FMR1NB: variants seen among roughly 807,000 people sequenced by gnomAD.
The protein encoded by FMR1NB is FMR1 neighbor.
Under a neutral mutation model 16.8 loss-of-function variants are expected in FMR1NB, and 10 were observed. That is an observed-to-expected ratio of 0.60 (90% CI 0.37 to 1.01). FMR1NB has a LOEUF of 1.01. Ranked by LOEUF, FMR1NB falls within the 50% of genes least tolerant of loss-of-function variation. The probability of loss-of-function intolerance (pLI) is 0.01; values close to 1 mark genes in which losing one functional copy is unlikely to be tolerated. For synonymous variants in FMR1NB, 83 were observed against 79.1 expected (o/e 1.05, Z -0.26); for missense variants, 205 against 204.8 (o/e 1.00, Z 0.00).
chrX:148,010,250 T>C (rs1557189509), intron 4 of FMR1NB, among the ~76,000 whole-genome samples: 2 of 112,735 alleles, frequency 1.8e-5, no homozygotes, highest in Admixed American at 1.9e-4. Context: ...GTTTTATTTA[T>C]TTATTTTACT....
Position 148,020,561 on chromosome X carries a change from G to GGTAT in FMR1NB, c.633-4303_633-4300dup, listed in dbSNP as rs781992252. Among the ~76,000 whole-genome samples the GGTAT allele has an allele frequency of 7.1e-4, 79 of 111,793 alleles. 1 individual carries two copies. The Admixed American group carries it at 7.4e-3, about 10-fold the overall frequency. ...CACCCAAGGCTCACAGCATAACCTA[G>GGTAT]GTATCACTGCTTGTTATTCAGGGCC... On this transcript the variant is annotated intron_variant, in intron 4 of 5. Coordinates refer to ENST00000370467, the MANE Select transcript of FMR1NB (RefSeq NM_152578.3).
At chrX:147,986,889 G>A (rs191914727) in intron 1 of FMR1NB, among the ~76,000 whole-genome samples, 36 of 111,673 alleles carry the variant, frequency 3.2e-4, no homozygotes, top group Middle Eastern at 9.2e-3. Flanking sequence ...GAATAGCAAC[G>A]AGTCTATAAA....
At chrX:148,009,452 C>T (rs782055066) in intron 4 of FMR1NB, among the ~76,000 whole-genome samples, 2 of 109,772 alleles carry the variant, frequency 1.8e-5, no homozygotes, top group South Asian at 7.9e-4. Flanking sequence ...AATTGGAAAA[C>T]AAATTTCTTC....
At chrX:148,025,614 T>A (rs1557190949) in intron 5 of FMR1NB, among the ~76,000 whole-genome samples, 1 of 111,710 alleles carries the variant, frequency 9.0e-6, no homozygotes, top group Non-Finnish European at 1.9e-5. Context: ...CAAGTAAGAA[T>A]AAAATGGTTG....
Position 148,006,752 on chromosome X carries a change from G to T in FMR1NB, c.448G>T (p.Asp150Tyr). 8.3e-7 allele frequency: 1 copy of T among 1,209,853 alleles called. No homozygotes were observed. The highest frequency in any genetic ancestry group is 1.1e-6 in the Non-Finnish European group (1 of 894,414). ...GGCAAAGCCTTGTAATGAGCTGCAA[G>T]ATCTTAGTGAGAGTGAATGTTTGAG... ...QVAKPCNELQ[D>Y]LSESECLRHK... is the part of the protein sequence containing the mutation. The change falls in exon 3 of 6, where the codon GAT (aspartate) becomes TAT (tyrosine). Residue 150 changes from aspartate to tyrosine, a missense_variant. Coordinates refer to ENST00000370467, the MANE Select transcript of FMR1NB (RefSeq NM_152578.3).
chrX:147,981,684 G>C lies in FMR1NB; in HGVS notation c.277+5G>C, dbSNP rs781847857. On this transcript the variant is annotated splice_donor_5th_base_variant and intron_variant, in intron 1 of 5. Coordinates refer to ENST00000370467, the MANE Select transcript of FMR1NB (RefSeq NM_152578.3). ...TGTCCTACTACCTGTGCTCCGGTGA[G>C]TGCTGGCTCAGGCCAGGCAGGGAAA... 5.3e-6 allele frequency: 6 copies of C among 1,132,578 alleles called. No homozygotes were observed. The highest frequency in any genetic ancestry group is 7.0e-6 in the Non-Finnish European group (6 of 853,809). 93.3% of individuals were successfully genotyped at this position (1,132,578 alleles called of 1,213,427 possible). A position where few individuals can be genotyped will look rare whatever the true frequency, so the allele number is the denominator to read the frequency against.
intron 4 of FMR1NB, among the ~76,000 whole-genome samples, chrX:148,014,007 T>G (rs2044637559): frequency 9.0e-6 from 1 of 111,540 alleles, no homozygotes. Context: ...TTGCCCCTTC[T>G]CCCATTTTAT....
chrX:148,015,833 G>A (rs1439260333), intron 4 of FMR1NB, among the ~76,000 whole-genome samples: 1 of 112,245 alleles, frequency 8.9e-6, no homozygotes, highest in Non-Finnish European at 1.9e-5. Context: ...TTGGTGTACA[G>A]TGCAGATTAA....
rs782715581 is a variant in FMR1NB, at chrX:148,008,722, A to G, written c.632+11A>G. 2 of 1,192,183 alleles carry G rather than the reference A, an allele frequency of 1.7e-6. No homozygotes were observed. The highest frequency in any genetic ancestry group is 3.5e-5 in the African/African-American group (2 of 57,499). ...TCTTTTCTGGAGGAGGTAGGTGAAC[A>G]TAAACTTTTATTTGCTCGTTGCTAA... On this transcript the variant is annotated intron_variant, in intron 4 of 5. Transcript: ENST00000370467.
chrX:148,023,253 T>TAACA (rs1557190736), intron 4 of FMR1NB, among the ~76,000 whole-genome samples: 1 of 111,553 alleles, frequency 9.0e-6, no homozygotes, highest in Non-Finnish European at 1.9e-5. Context: ...AGACTGTAGG[T>TAACA]AACAACATGG....
chrX:148,013,383 T>C (rs1390349051), intron 4 of FMR1NB, among the ~76,000 whole-genome samples: 2 of 111,835 alleles, frequency 1.8e-5, no homozygotes, highest in Non-Finnish European at 3.8e-5. Context: ...CTTGAAATTT[T>C]CCCCCCTTGG....
At chrX:148,013,733 C>T (rs1814968965) in intron 4 of FMR1NB, among the ~76,000 whole-genome samples, 3 of 111,525 alleles carry the variant, frequency 2.7e-5, no homozygotes, top group Admixed American at 9.5e-5. Context: ...TTCCATATTT[C>T]CAGTCACTCT....
intron 4 of FMR1NB, among the ~76,000 whole-genome samples, chrX:148,009,346 AGTTCCTGGAAGT>A (rs1428990257): frequency 9.0e-6 from 1 of 111,038 alleles, no homozygotes; most frequent in Non-Finnish European, 1.9e-5. Flanking sequence ...AAATCAGAAC[AGTTCCTGGAAGT>A]GTTAGTTTCC....
chrX:148,004,750 T>C (rs1270941870), intron 2 of FMR1NB, among the ~76,000 whole-genome samples: 1 of 112,533 alleles, frequency 8.9e-6, no homozygotes, highest in African/African-American at 3.2e-5. Flanking sequence ...TGATACACAC[T>C]GGCAGGGAAG....
intron 3 of FMR1NB, 32 bp from the exon 4 acceptor site, chrX:148,008,586 A>G: frequency 8.5e-7 from 1 of 1,175,241 alleles, no homozygotes; most frequent in South Asian, 1.9e-5. Context: ...TGCTTAAGTC[A>G]TGAAAGTAAC....
chrX:147,981,359 G>A lies in FMR1NB; in HGVS notation c.-44G>A, dbSNP rs372849176. ...CTTCTGGGCCACGGACTGCCGGACC[G>A]TTGGGCTGTGAGGCAGCGTCTCAGC... On this transcript the variant is annotated 5_prime_UTR_variant, in exon 1 of 6. Coordinates refer to ENST00000370467, the MANE Select transcript of FMR1NB (RefSeq NM_152578.3). The A allele has an allele frequency of 6.2e-6, 6 of 969,578 alleles. No homozygotes were observed. In the African/African-American group the frequency reaches 1.0e-4, roughly 16 times the overall value. 79.9% of individuals were successfully genotyped at this position (969,578 alleles called of 1,213,427 possible). A position where few individuals can be genotyped will look rare whatever the true frequency, so the allele number is the denominator to read the frequency against.
chrX:148,026,137 C>G (rs1470283020), intron 5 of FMR1NB: 4 of 110,371 alleles, frequency 3.6e-5, no homozygotes, highest in Non-Finnish European at 3.8e-5. Flanking sequence ...AATATATTAC[C>G]TTGTATTAGT....
At chrX:148,002,320 A>C (rs782690316) in intron 1 of FMR1NB, among the ~76,000 whole-genome samples, 120 of 111,989 alleles carry the variant, frequency 1.1e-3, no homozygotes, top group Middle Eastern at 4.6e-3. Context: ...CAAATTGGCA[A>C]ATAATAAAAA....
chrX:148,023,756 T>C (rs1557190782), intron 4 of FMR1NB, among the ~76,000 whole-genome samples: 2 of 112,013 alleles, frequency 1.8e-5, no homozygotes, highest in East Asian at 5.6e-4. Flanking sequence ...AGCATAAAAA[T>C]CAACAAACAT....
Sources: gnomAD v4.1 joint callset for allele counts (sites outside exome capture counted in the v4.1 genomes callset) on GRCh38, gnomAD v4.1.1 for gene constraint, MANE v1.5 for transcripts, NCBI Gene and HGNC (gene_info 2026-07-23, HGNC 2026-07-21) for gene names.